The following ARHGAP10 variants were observed in gnomAD, a reference collection of about 807,000 sequenced individuals.
ARHGAP10 encodes the protein rho GTPase-activating protein 10.
A neutral mutation model predicts 108.6 loss-of-function variants in ARHGAP10; 87 were observed. The ratio of observed to expected loss-of-function variants is 0.80; its 90% CI spans 0.67 to 0.96. The LOEUF is 0.96. Ranked by LOEUF, ARHGAP10 falls within the 40% of genes least tolerant of loss-of-function variation. The pLI, the probability that ARHGAP10 is intolerant of heterozygous loss-of-function variation, is 0.00. For synonymous variants in ARHGAP10, 347 were observed against 341.1 expected, an observed-to-expected ratio of 1.02 and a Z score of -0.19; for missense variants, 939 against 954.5, an observed-to-expected ratio of 0.98 and a Z score of 0.21.
At chr4:147,881,268 CAAAA>C (rs58379522) in intron 9 of ARHGAP10, among the ~76,000 whole-genome samples, 1 of 131,458 alleles carries the variant, frequency 7.6e-6, no homozygotes, top group Non-Finnish European at 1.7e-5. Flanking sequence ...GCAAGACTGT[CAAAA>C]AAAAAAAAAA....
At chr4:147,894,591 C>A (rs2126890346) in intron 10 of ARHGAP10, among the ~76,000 whole-genome samples, 1 of 151,730 alleles carries the variant, frequency 6.6e-6, no homozygotes, top group South Asian at 2.1e-4. Flanking sequence ...TTAAGGGCTT[C>A]TTGCACCAAG....
At chr4:147,893,643 C>G (rs1026477542) in intron 10 of ARHGAP10, among the ~76,000 whole-genome samples, 4 of 148,556 alleles carry the variant, frequency 2.7e-5, no homozygotes, top group African/African-American at 4.9e-5. Flanking sequence ...AAAAAGTAAC[C>G]ATAGTTTAAT....
chr4:147,800,009 A>G (rs1016686850), intron 1 of ARHGAP10, among the ~76,000 whole-genome samples: 3 of 152,120 alleles, frequency 2.0e-5, no homozygotes, highest in African/African-American at 7.2e-5. Context: ...GTCCTGCCCT[A>G]CATTTGTGGG....
At chr4:147,889,565 G>T (rs1735707917) in intron 10 of ARHGAP10, among the ~76,000 whole-genome samples, 1 of 152,240 alleles carries the variant, frequency 6.6e-6, no homozygotes, top group African/African-American at 2.4e-5. Context: ...CTCCCAAAGT[G>T]CTGGGATTAC....
intron 11 of ARHGAP10, among the ~76,000 whole-genome samples, chr4:147,909,005 T>G (rs1214040922): frequency 6.6e-6 from 1 of 152,150 alleles, no homozygotes. Flanking sequence ...CCCACATGTT[T>G]AGAGCTCACT....
At chr4:147,973,013 C>G (rs938093585) in intron 18 of ARHGAP10, among the ~76,000 whole-genome samples, 5 of 151,988 alleles carry the variant, frequency 3.3e-5, no homozygotes, top group African/African-American at 1.2e-4. Flanking sequence ...CCTTGGTTTC[C>G]TAAAGTGCTG....
chr4:148,015,597 A>G (rs1741316318), intron 18 of ARHGAP10, among the ~76,000 whole-genome samples: 1 of 152,176 alleles, frequency 6.6e-6, no homozygotes, highest in Non-Finnish European at 1.5e-5. Flanking sequence ...TCATTTAGTC[A>G]TGGTGATTCA....
At chr4:147,904,694 G>T (rs557035732) in intron 10 of ARHGAP10, among the ~76,000 whole-genome samples, 1 of 152,142 alleles carries the variant, frequency 6.6e-6, no homozygotes, top group East Asian at 1.9e-4. Context: ...ATAAACATAC[G>T]TGTGCATGTG....
rs6838520 is a variant in ARHGAP10, at chr4:147,758,671, T to A, written c.154+26216T>A. ...AGAATACAGGTGGTGTATTTTTTTT[T>A]AATTTATTATTATTATTATTTTTTA... is the stretch of plus-strand genomic sequence containing the variant. On this transcript the variant is annotated intron_variant, in intron 1 of 22. Transcript: ENST00000336498. Among the ~76,000 whole-genome samples the A allele has an allele frequency of 4.1e-3, 623 of 152,048 alleles. 6 individuals carry two copies. Among genetic ancestry groups the A allele is most frequent in the African/African-American group, 0.013 (557 of 41,494 alleles).
chr4:147,960,011 CTT>C (rs1738934206), intron 16 of ARHGAP10, among the ~76,000 whole-genome samples: 1 of 152,086 alleles, frequency 6.6e-6, no homozygotes, highest in South Asian at 2.1e-4. Flanking sequence ...AGTAGTTGTC[CTT>C]TTACTCCTTT....
At chr4:147,765,330 GT>G (rs1729754665) in intron 1 of ARHGAP10, among the ~76,000 whole-genome samples, 3 of 31,320 alleles carry the variant, frequency 9.6e-5, no homozygotes, top group African/African-American at 2.0e-4. Context: ...TGTGGTGTGT[GT>G]GTGTGTGGGG....
At chr4:147,875,370 C>G (rs1425886128) in intron 8 of ARHGAP10, among the ~76,000 whole-genome samples, 1 of 152,160 alleles carries the variant, frequency 6.6e-6, no homozygotes, top group East Asian at 1.9e-4. Flanking sequence ...TGTGAGCACC[C>G]TGTTCTTCAG....
intron 19 of ARHGAP10, among the ~76,000 whole-genome samples, chr4:148,033,856 G>A (rs1234470019): frequency 1.3e-5 from 2 of 152,176 alleles, no homozygotes; most frequent in South Asian, 2.1e-4. Context: ...TAGACTTCAC[G>A]TGACTTTCAC....
chr4:147,985,849 C>T (rs954999659), intron 18 of ARHGAP10, among the ~76,000 whole-genome samples: 10 of 152,180 alleles, frequency 6.6e-5, no homozygotes, highest in African/African-American at 1.9e-4. Context: ...GCCTGGGTTG[C>T]GCGGATCCCT....
At chr4:147,849,900 T>G (rs987418326) in intron 4 of ARHGAP10, among the ~76,000 whole-genome samples, 1 of 152,224 alleles carries the variant, frequency 6.6e-6, no homozygotes, top group African/African-American at 2.4e-5. Context: ...GGTTCTAGCT[T>G]TTGTTCAAAA....
intron 10 of ARHGAP10, among the ~76,000 whole-genome samples, chr4:147,896,330 G>A (rs1054882821): frequency 1.3e-5 from 2 of 152,062 alleles, no homozygotes; most frequent in Non-Finnish European, 2.9e-5. Flanking sequence ...TCTTTGCCTA[G>A]AGTTTTCTTG....
chr4:148,027,717 A>G (rs1727938507), intron 19 of ARHGAP10, among the ~76,000 whole-genome samples: 1 of 152,204 alleles, frequency 6.6e-6, no homozygotes, highest in African/African-American at 2.4e-5. Flanking sequence ...TTTAAATGTC[A>G]CACGTCAACG....
At chr4:148,003,022 G>A (rs566074614) in intron 18 of ARHGAP10, among the ~76,000 whole-genome samples, 88 of 152,244 alleles carry the variant, frequency 5.8e-4, no homozygotes, top group Non-Finnish European at 7.1e-4. Context: ...GTTAATTTTA[G>A]ATCTTTCCTG....
intron 3 of ARHGAP10, among the ~76,000 whole-genome samples, chr4:147,828,713 T>C (rs985792191): frequency 1.3e-5 from 2 of 152,182 alleles, no homozygotes; most frequent in African/African-American, 4.8e-5. Flanking sequence ...GCATAGCCCC[T>C]TCCTTTCCCC....
Sources: allele counts gnomAD v4.1 joint callset (sites outside exome capture counted in the v4.1 genomes callset), GRCh38; gene constraint gnomAD v4.1.1; transcripts MANE v1.5; gene names NCBI Gene and HGNC (gene_info 2026-07-23, HGNC 2026-07-21).